Variants in SAXO1 observed in about 807,000 individuals in gnomAD.
SAXO1 encodes stabilizer of axonemal microtubules 1.
SAXO1 carries 21 observed loss-of-function variants against 17.5 expected under a neutral mutation model. That is an observed-to-expected ratio of 1.20 (90% CI 0.85 to 1.72). The LOEUF (loss-of-function observed/expected upper bound fraction) is 1.72. Ranked by LOEUF, SAXO1 falls within the 40% of genes most tolerant of loss-of-function variation. The probability of loss-of-function intolerance (pLI) is 0.00; values close to 1 mark genes in which losing one functional copy is unlikely to be tolerated. For missense variants in SAXO1, 843 were observed against 596.0 expected (o/e 1.41, Z -4.32); for synonymous variants, 274 against 216.5 (o/e 1.27, Z -2.33).
At chr9:18,958,213 CA>C (rs1203956543) in intron 1 of SAXO1, among the ~76,000 whole-genome samples, 3 of 152,080 alleles carry the variant, frequency 2.0e-5, no homozygotes, top group African/African-American at 7.2e-5. Flanking sequence ...CATTTGAGGT[CA>C]GGGGTTCGAG....
chr9:18,998,495 T>C (rs1834105749), intron 1 of SAXO1, among the ~76,000 whole-genome samples: 1 of 152,222 alleles, frequency 6.6e-6, no homozygotes, highest in African/African-American at 2.4e-5. Context: ...CTGATTGGTG[T>C]ACCTGAAAGT....
In SAXO1 at chr9:18,974,877, C is replaced by T. The variant is rs114587570; in HGVS notation, c.39-23940G>A. The stretch of plus-strand genomic sequence containing the variant: ...ATGGATGGATGCTAAGGCTGATAGG[C>T]AAAGTTTTGATAACAAACAGGATAT... On this transcript the variant is annotated intron_variant, in intron 1 of 3. Coordinates refer to ENST00000380534, the MANE Select transcript of SAXO1 (RefSeq NM_153707.4). Among the ~76,000 whole-genome samples, 5 of 152,196 alleles carry T rather than the reference C, an allele frequency of 3.3e-5. No homozygotes were observed. In the East Asian group the frequency reaches 9.6e-4, roughly 29 times the overall value.
intron 2 of SAXO1, among the ~76,000 whole-genome samples, chr9:18,944,110 C>T (rs529803783): frequency 5.3e-5 from 8 of 152,102 alleles, no homozygotes; most frequent in South Asian, 4.1e-4. Context: ...AAAAGCCAAT[C>T]GCCTTTTCCA....
intron 2 of SAXO1, among the ~76,000 whole-genome samples, chr9:18,946,241 T>C (rs1424300086): frequency 8.1e-6 from 1 of 123,478 alleles, no homozygotes; most frequent in African/African-American, 3.3e-5. Flanking sequence ...GTGCCACTGC[T>C]CTCCAGCCTG....
chr9:19,017,647 T>A (rs1046209503), intron 1 of SAXO1, among the ~76,000 whole-genome samples: 3 of 152,246 alleles, frequency 2.0e-5, no homozygotes, highest in Non-Finnish European at 4.4e-5. Flanking sequence ...CACAGCCTTT[T>A]GCTTAAACAA....
chr9:18,948,720 TC>T (rs1831899747), intron 2 of SAXO1, among the ~76,000 whole-genome samples: 1 of 152,084 alleles, frequency 6.6e-6, no homozygotes, highest in Non-Finnish European at 1.5e-5. Context: ...CAAGGGTTTG[TC>T]CCCATTCTCC....
intron 1 of SAXO1, among the ~76,000 whole-genome samples, chr9:18,991,270 T>C (rs1220845547): frequency 6.6e-6 from 1 of 152,184 alleles, no homozygotes; most frequent in Non-Finnish European, 1.5e-5. Context: ...TGCACACTTA[T>C]GTTTACTGCA....
In SAXO1 at chr9:19,018,775, A is replaced by G. The variant is rs542142255; in HGVS notation, c.38+14096T>C. Among the ~76,000 whole-genome samples, 9 of 152,336 alleles carry G rather than the reference A, an allele frequency of 5.9e-5. No homozygotes were observed. The South Asian group carries it at 1.4e-3, about 25-fold the overall frequency. ...GCAGTGGTTAGAGACAGGACGCTGAAGTCTGGGTATGTGCTTTATATGTTA... is the reference window on the plus strand; with the variant it reads ...GCAGTGGTTAGAGACAGGACGCTGAGGTCTGGGTATGTGCTTTATATGTTA... On this transcript the variant is annotated intron_variant, in intron 1 of 3. Transcript: ENST00000380534.
At chr9:18,999,525 CGGCCGCCA>C in intron 1 of SAXO1, among the ~76,000 whole-genome samples, 1 of 149,588 alleles carries the variant, frequency 6.7e-6, no homozygotes, top group East Asian at 2.0e-4. Flanking sequence ...GGCCTCTGCC[CGGCCGCCA>C]CACCGTCTGG....
chr9:18,985,869 A>G (rs1833574309), intron 1 of SAXO1, among the ~76,000 whole-genome samples: 1 of 152,260 alleles, frequency 6.6e-6, no homozygotes, highest in East Asian at 1.9e-4. Flanking sequence ...AAAGCATGAG[A>G]AAATTTGGCA....
chr9:19,012,199 T>C lies in SAXO1; in HGVS notation c.38+20672A>G, dbSNP rs139717521. ...AAAGATGAGGCATATAGATGTTTGT[T>C]TTCTTTTGACCAAAGGCAAATAAAG... On this transcript the variant is annotated intron_variant, in intron 1 of 3. Coordinates refer to ENST00000380534, the MANE Select transcript of SAXO1 (RefSeq NM_153707.4). Among the ~76,000 whole-genome samples, 119 of 152,318 alleles carry C rather than the reference T, an allele frequency of 7.8e-4. 1 individual carries two copies. The East Asian group carries it at 0.012, about 16-fold the overall frequency.
At chr9:18,962,842 C>T (rs1832543943) in intron 1 of SAXO1, among the ~76,000 whole-genome samples, 1 of 152,208 alleles carries the variant, frequency 6.6e-6, no homozygotes, top group Non-Finnish European at 1.5e-5. Context: ...GTCGCCATTG[C>T]TTTTGGTGTT....
chr9:18,964,920 G>T (rs7043523), intron 1 of SAXO1, among the ~76,000 whole-genome samples: 27,768 of 152,132 alleles, frequency 0.18, 5,340 homozygotes, highest in African/African-American at 0.49. Context: ...TCTACACACT[G>T]CTTTAGCTGT....
chr9:19,040,805 T>C (rs1588576403), intron 1 of SAXO1, among the ~76,000 whole-genome samples: 1 of 151,992 alleles, frequency 6.6e-6, no homozygotes, highest in East Asian at 1.9e-4. Context: ...AGAGATCAAA[T>C]ACAAACAGGG....
intron 1 of SAXO1, among the ~76,000 whole-genome samples, chr9:18,997,390 G>C (rs1834051793): frequency 6.6e-6 from 1 of 152,242 alleles, no homozygotes; most frequent in African/African-American, 2.4e-5. Context: ...GTGGTAAGAG[G>C]AGGGGCATCT....
intron 1 of SAXO1, among the ~76,000 whole-genome samples, chr9:19,040,182 G>A (rs1836044047): frequency 6.6e-6 from 1 of 152,158 alleles, no homozygotes; most frequent in Admixed American, 6.5e-5. Flanking sequence ...CTTAACCATT[G>A]TAATCCAAAG....
chr9:19,009,214 A>C (rs1046585440), intron 1 of SAXO1, among the ~76,000 whole-genome samples: 2 of 150,228 alleles, frequency 1.3e-5, no homozygotes, highest in Non-Finnish European at 3.0e-5. Context: ...GTAAAAAAAA[A>C]TCTTCACATT....
At chr9:19,024,271 A>G (rs943652707) in intron 1 of SAXO1, among the ~76,000 whole-genome samples, 5 of 151,654 alleles carry the variant, frequency 3.3e-5, no homozygotes, top group Admixed American at 2.0e-4. Context: ...AAACCCCAAC[A>G]TACCCTTTCC....
intron 1 of SAXO1, among the ~76,000 whole-genome samples, chr9:18,973,953 A>G (rs2131802314): frequency 6.6e-6 from 1 of 152,364 alleles, no homozygotes; most frequent in South Asian, 2.1e-4. Flanking sequence ...AAAATAATGT[A>G]CATACTTCCT....
Sources: gnomAD v4.1 joint callset for allele counts (sites outside exome capture counted in the v4.1 genomes callset) on GRCh38, gnomAD v4.1.1 for gene constraint, MANE v1.5 for transcripts, NCBI Gene and HGNC (gene_info 2026-07-23, HGNC 2026-07-21) for gene names.